PEX14: variants seen among roughly 807,000 people sequenced by gnomAD.
The protein encoded by PEX14 is peroxisomal membrane protein PEX14.
PEX14 carries 15 observed loss-of-function variants against 49.5 expected under a neutral mutation model. The observed-to-expected ratio is 0.30, with a 90% CI of 0.20 to 0.47. PEX14 has a LOEUF of 0.47. Ranked by LOEUF, PEX14 falls within the 20% of genes least tolerant of loss-of-function variation. The probability of loss-of-function intolerance (pLI) is 1.00; values close to 1 mark genes in which losing one functional copy is unlikely to be tolerated. For missense variants in PEX14, 398 were observed against 494.8 expected (o/e 0.80, Z 1.86); for synonymous variants, 210 against 212.7 (o/e 0.99, Z 0.11).
chr1:10,559,695 C>T (rs1258042267), intron 3 of PEX14, among the ~76,000 whole-genome samples: 1 of 152,188 alleles, frequency 6.6e-6, no homozygotes, highest in Non-Finnish European at 1.5e-5. Flanking sequence ...AACATGGACG[C>T]TGTAGGACAT....
chr1:10,484,587 C>T (rs899458610), intron 1 of PEX14, among the ~76,000 whole-genome samples: 2 of 151,752 alleles, frequency 1.3e-5, no homozygotes, highest in Admixed American at 1.3e-4. Flanking sequence ...TCCTGCGTAA[C>T]AGTATTACCA....
intron 2 of PEX14, among the ~76,000 whole-genome samples, chr1:10,523,393 T>C (rs1032999232): frequency 3.9e-5 from 6 of 152,158 alleles, no homozygotes; most frequent in African/African-American, 1.2e-4. Context: ...TTGAATTGGG[T>C]GTCAGCTTGG....
At chr1:10,537,976 AT>A (rs1392456621) in intron 3 of PEX14, among the ~76,000 whole-genome samples, 1 of 152,246 alleles carries the variant, frequency 6.6e-6, no homozygotes, top group African/African-American at 2.4e-5. Context: ...AGCAAAAAAA[AT>A]CCAACTGATC....
chr1:10,628,456 G>T lies in PEX14; in HGVS notation c.678-1075G>T, dbSNP rs909203925. On this transcript the variant is annotated intron_variant, in intron 8 of 8. Transcript: ENST00000356607. This position sits in a 1 kb window ranked among gnomAD's most constrained non-coding sequence, Gnocchi z 4.5. ...GGTGCAGAGGGGTCTTGCGGCTCCA[G>T]CCAGAAGACCCCATTTTCCAAGCCA... 3.3e-5 allele frequency among the ~76,000 whole-genome samples: 5 copies of T among 152,236 alleles called. No homozygotes were observed. Among genetic ancestry groups the T allele is most frequent in the Non-Finnish European group, 5.9e-5 (4 of 68,028 alleles).
chr1:10,475,561 G>A (rs1481472734), intron 1 of PEX14, among the ~76,000 whole-genome samples: 2 of 152,216 alleles, frequency 1.3e-5, no homozygotes, highest in African/African-American at 4.8e-5. Context: ...GTGACTAACA[G>A]ACGCCACCAA....
intron 3 of PEX14, among the ~76,000 whole-genome samples, chr1:10,593,094 A>G (rs1640718374): frequency 6.6e-6 from 1 of 152,198 alleles, no homozygotes; most frequent in South Asian, 2.1e-4. Flanking sequence ...AGTGATTTAC[A>G]CTGGGAGACG....
intron 5 of PEX14, among the ~76,000 whole-genome samples, chr1:10,619,775 CA>C (rs1641537711): frequency 1.3e-5 from 2 of 152,130 alleles, no homozygotes; most frequent in Non-Finnish European, 2.9e-5. Context: ...TTAAGTGTAG[CA>C]TGTATTCCTG....
Position 10,512,718 on chromosome 1 carries a change from A to G in PEX14, c.84+17397A>G, listed in dbSNP as rs1309388792. Among the ~76,000 whole-genome samples the G allele has an allele frequency of 1.3e-5, 2 of 149,792 alleles. No homozygotes were observed. ...TTTTTTTTTTTAACTTTTATTTTTT[A>G]TGATGGAGTCTTGCTCTGTCGCCAG... On this transcript the variant is annotated intron_variant, in intron 2 of 8. Coordinates refer to ENST00000356607, the MANE Select transcript of PEX14 (RefSeq NM_004565.3). This position sits in a 1 kb window ranked among gnomAD's most constrained non-coding sequence, Gnocchi z 4.6.
At chr1:10,571,015 G>A (rs1227865984) in intron 3 of PEX14, among the ~76,000 whole-genome samples, 1 of 74,544 alleles carries the variant, frequency 1.3e-5, no homozygotes, top group Admixed American at 1.7e-4. Flanking sequence ...CGCCTGGCTA[G>A]TTTTTTTTTT....
At chr1:10,501,241 A>T (rs1641671893) in intron 2 of PEX14, among the ~76,000 whole-genome samples, 1 of 152,222 alleles carries the variant, frequency 6.6e-6, no homozygotes, top group Admixed American at 6.5e-5. Context: ...GTCGGGATGC[A>T]AGTGATTGGG....
At position 10,514,880 on chromosome 1, in the gene PEX14, A is replaced by G. The variant is rs555826750; in HGVS notation, c.84+19559A>G. 6.6e-6 allele frequency among the ~76,000 whole-genome samples: 1 copy of G among 152,368 alleles called. No homozygotes were observed. The highest frequency in any genetic ancestry group is 2.1e-4 in the South Asian group (1 of 4,830). On this transcript the variant is annotated intron_variant, in intron 2 of 8. Transcript: ENST00000356607. The surrounding 1 kb of genome is among the most constrained non-coding windows in gnomAD (Gnocchi z 4.4). ...CATCTAGATGAGAACTTCTGTGTGC[A>G]GAAAACTGTCCCCCTTAAAAGCCTG...
At chr1:10,589,957 C>CA (rs1640611725) in intron 3 of PEX14, among the ~76,000 whole-genome samples, 1 of 152,164 alleles carries the variant, frequency 6.6e-6, no homozygotes, top group Admixed American at 6.5e-5. Context: ...GGCTGGAAGT[C>CA]AGAGATGTCA....
chr1:10,489,736 C>T (rs549087214), intron 1 of PEX14, among the ~76,000 whole-genome samples: 1 of 152,334 alleles, frequency 6.6e-6, no homozygotes, highest in Admixed American at 6.5e-5. Flanking sequence ...CCTCCCTGAA[C>T]TCTGATCTCT....
intron 3 of PEX14, among the ~76,000 whole-genome samples, chr1:10,564,856 G>T (rs1639756123): frequency 6.7e-6 from 1 of 150,338 alleles, no homozygotes; most frequent in African/African-American, 2.4e-5. Context: ...CTATGAGTTT[G>T]GGTTTTTTAA....
chr1:10,510,397 G>A (rs1219855129), intron 2 of PEX14, among the ~76,000 whole-genome samples: 1 of 152,222 alleles, frequency 6.6e-6, no homozygotes, highest in East Asian at 1.9e-4. Context: ...GTGTGTCCAA[G>A]TAAAGGCAAG....
chr1:10,607,199 C>T (rs1299080526), intron 4 of PEX14, among the ~76,000 whole-genome samples: 1 of 151,850 alleles, frequency 6.6e-6, no homozygotes, highest in Non-Finnish European at 1.5e-5. Flanking sequence ...CGAGATTCAC[C>T]CAAATTGCTG....
chr1:10,623,922 C>T lies in PEX14; in HGVS notation c.488-418C>T, dbSNP rs1251594813. Among the ~76,000 whole-genome samples, 5 of 152,166 alleles carry T rather than the reference C, an allele frequency of 3.3e-5. No individual in the cohort carries two copies. Among genetic ancestry groups the T allele is most frequent in the Non-Finnish European group, 7.4e-5 (5 of 68,022 alleles). On this transcript the variant is annotated intron_variant, in intron 6 of 8. Transcript: ENST00000356607. The surrounding 1 kb of genome is among the most constrained non-coding windows in gnomAD (Gnocchi z 4.4). ...TGGGAAACAGGACGTGCGGCTTGAG[C>T]CACTCCTGGATGTGAATGTGGCGGG...
chr1:10,575,961 G>A (rs888759441), intron 3 of PEX14, among the ~76,000 whole-genome samples: 1 of 152,084 alleles, frequency 6.6e-6, no homozygotes, highest in Non-Finnish European at 1.5e-5. Context: ...CAACAAAACA[G>A]CTTTCTCATA....
At position 10,571,611 on chromosome 1, in the gene PEX14, C is replaced by G. The variant is rs376652709; in HGVS notation, c.170-27627C>G. ...ATCACTTGAGCTTAGGAGTTCGAGA[C>G]CAGCCTGGGCAACAGGATGAAACCC... On this transcript the variant is annotated intron_variant, in intron 3 of 8. Transcript: ENST00000356607. Among the ~76,000 whole-genome samples the G allele has an allele frequency of 4.6e-5, 7 of 152,148 alleles. No homozygotes were observed. In the South Asian group the frequency reaches 1.5e-3, roughly 32 times the overall value.
Sources: allele counts gnomAD v4.1 joint callset (sites outside exome capture counted in the v4.1 genomes callset), GRCh38; gene constraint gnomAD v4.1.1; non-coding constraint Gnocchi (gnomAD v3.1); transcripts MANE v1.5; gene names NCBI Gene and HGNC (gene_info 2026-07-23, HGNC 2026-07-21).